The following SNTG1 variants were observed in gnomAD, a reference collection of about 807,000 sequenced individuals.
The protein encoded by SNTG1 is syntrophin gamma 1.
SNTG1 carries 39 observed loss-of-function variants against 74.7 expected under a neutral mutation model. The observed-to-expected ratio is 0.52, with a 90% confidence interval of 0.40 to 0.68. The LOEUF is 0.68. SNTG1 is among the 30% of genes least tolerant of loss of function. The pLI is 0.00. For missense variants in SNTG1, 685 were observed against 609.5 expected (o/e 1.12, Z -1.30); for synonymous variants, 254 against 217.1 (o/e 1.17, Z -1.49).
At chr8:50,099,556 G>A (rs1301184653) in intron 1 of SNTG1, among the ~76,000 whole-genome samples, 1 of 152,104 alleles carries the variant, frequency 6.6e-6, no homozygotes, top group African/African-American at 2.4e-5. Context: ...GCAGCTTCTT[G>A]AGGAAACTTC....
chr8:50,061,868 C>T (rs895430648), intron 1 of SNTG1, among the ~76,000 whole-genome samples: 4 of 151,988 alleles, frequency 2.6e-5, no homozygotes, highest in East Asian at 1.9e-4. Context: ...ATTTATTTCA[C>T]GGCTGTGGAT....
chr8:50,722,249 A>T (rs2095489567), intron 17 of SNTG1, among the ~76,000 whole-genome samples: 1 of 151,046 alleles, frequency 6.6e-6, no homozygotes, highest in Non-Finnish European at 1.5e-5. Flanking sequence ...ATCTCAGCTC[A>T]CTGCAACATC....
At chr8:50,575,542 C>T (rs2094572164) in intron 12 of SNTG1, 1 of 152,268 alleles carries the variant, frequency 6.6e-6, no homozygotes, top group African/African-American at 2.4e-5. Flanking sequence ...GCCCAAGGCC[C>T]TTACTTCTCT....
At chr8:50,051,223 T>C (rs1448860793) in intron 1 of SNTG1, among the ~76,000 whole-genome samples, 1 of 135,768 alleles carries the variant, frequency 7.4e-6, no homozygotes, top group East Asian at 2.2e-4. Flanking sequence ...GACATTATCT[T>C]TAGATAGAAA....
At chr8:50,778,345 C>T (rs1231326016) in intron 18 of SNTG1, among the ~76,000 whole-genome samples, 1 of 152,130 alleles carries the variant, frequency 6.6e-6, no homozygotes, top group Non-Finnish European at 1.5e-5. Context: ...CCTATTCCTC[C>T]ACATCCTCTC....
At chr8:50,676,458 T>A (rs1003102430) in intron 15 of SNTG1, among the ~76,000 whole-genome samples, 45 of 151,982 alleles carry the variant, frequency 3.0e-4, no homozygotes, top group African/African-American at 8.7e-4. Context: ...TCGTGCTGTG[T>A]TACGCAGCAC....
chr8:50,637,202 TA>T (rs1173997589), intron 13 of SNTG1, among the ~76,000 whole-genome samples: 2 of 152,176 alleles, frequency 1.3e-5, no homozygotes, highest in Non-Finnish European at 2.9e-5. Context: ...AAATTATCTC[TA>T]AATCTTAGTA....
At chr8:50,266,684 G>GTGTGTGTGTGTGTATA (rs371676511) in intron 2 of SNTG1, among the ~76,000 whole-genome samples, 1 of 136,812 alleles carries the variant, frequency 7.3e-6, no homozygotes, top group African/African-American at 2.9e-5. Context: ...GTGTGTGTGT[G>GTGTGTGTGTGTGTATA]TATATATATA....
rs760070429 is a variant in SNTG1 at position 50,192,749 on chromosome 8, C to A, written c.-28+20114C>A. ...TAAGCCAATGTCTAGAAGGGTTTTT[C>A]CAATGTTAATTTCTACAATTTTTAT... On this transcript the variant is annotated intron_variant, in intron 2 of 18. Coordinates refer to ENST00000642720, the MANE Select transcript of SNTG1 (RefSeq NM_018967.5). Among the ~76,000 whole-genome samples, 2 of 151,632 alleles carry A rather than the reference C, an allele frequency of 1.3e-5. 1 individual carries two copies.
intron 2 of SNTG1, among the ~76,000 whole-genome samples, chr8:50,215,002 T>G (rs1451835164): frequency 6.6e-6 from 1 of 152,170 alleles, no homozygotes; most frequent in African/African-American, 2.4e-5. Context: ...CAAAGAAATC[T>G]GTTTTCCTCT....
intron 1 of SNTG1, among the ~76,000 whole-genome samples, chr8:49,919,369 T>C (rs1264671241): frequency 6.6e-6 from 1 of 152,062 alleles, no homozygotes; most frequent in Non-Finnish European, 1.5e-5. Flanking sequence ...AGAACACAAA[T>C]GACTAGCATA....
intron 1 of SNTG1, among the ~76,000 whole-genome samples, chr8:49,998,241 C>A (rs1814418402): frequency 3.3e-5 from 5 of 152,126 alleles, no homozygotes; most frequent in Admixed American, 3.3e-4. Flanking sequence ...ACTTGCAGGA[C>A]TTGCCGTGGC....
intron 1 of SNTG1, among the ~76,000 whole-genome samples, chr8:50,081,190 T>C (rs1228101564): frequency 6.6e-6 from 1 of 152,312 alleles, no homozygotes; most frequent in East Asian, 1.9e-4. Flanking sequence ...TCCAAAAATA[T>C]TTATATTTTG....
chr8:50,449,747 G>T (rs1294461401), intron 6 of SNTG1, 22 bp downstream of exon 6: 1 of 1,536,968 alleles, frequency 6.5e-7, no homozygotes, highest in Non-Finnish European at 8.8e-7. Context: ...AGAGAATTGT[G>T]TACCAGCCAT....
intron 1 of SNTG1, among the ~76,000 whole-genome samples, chr8:50,117,380 C>T (rs2080859444): frequency 6.6e-6 from 1 of 152,102 alleles, no homozygotes; most frequent in Non-Finnish European, 1.5e-5. Flanking sequence ...TGATTCTTCA[C>T]ATTCTGGAAA....
chr8:50,125,138 C>A (rs912627642), intron 1 of SNTG1, among the ~76,000 whole-genome samples: 1 of 141,858 alleles, frequency 7.0e-6, no homozygotes, highest in Non-Finnish European at 1.6e-5. Flanking sequence ...GAATACAAAG[C>A]AATTACAGAG....
rs1481438424 is a variant in SNTG1 at position 50,656,917 on chromosome 8, C to T, written c.858C>T (p.Tyr286=). The stretch of plus-strand genomic sequence containing the variant: ...ATTCCATTTTCTTGCAGATTGTCTA[C>T]ATGGGCTGGTGTGAAGCCCGGGAGC... The part of the protein sequence containing the change: ...RNFPVNQQIV[Y]MGWCEAREQD... Residue 286 remains tyrosine (Y), a synonymous_variant, in exon 14 of 19, where the codon TAC becomes TAT. Transcript: ENST00000642720. The T allele has an allele frequency of 6.2e-7, 1 of 1,603,810 alleles. No individual in the cohort carries two copies. Among genetic ancestry groups the T allele is most frequent in the African/African-American group, 1.3e-5 (1 of 74,464 alleles).
At chr8:50,141,504 G>A (rs746865339) in intron 1 of SNTG1, among the ~76,000 whole-genome samples, 2 of 152,126 alleles carry the variant, frequency 1.3e-5, no homozygotes, top group Non-Finnish European at 2.9e-5. Flanking sequence ...CTTGCAATGA[G>A]AGATATGAAT....
At chr8:50,349,637 A>G (rs759563749) in intron 2 of SNTG1, among the ~76,000 whole-genome samples, 2 of 152,152 alleles carry the variant, frequency 1.3e-5, no homozygotes, top group Non-Finnish European at 2.9e-5. Context: ...CTAGAGGTCC[A>G]GTGAGATTCA....
Sources: allele counts gnomAD v4.1 joint callset (sites outside exome capture counted in the v4.1 genomes callset), GRCh38; gene constraint gnomAD v4.1.1; transcripts MANE v1.5; gene names NCBI Gene and HGNC (gene_info 2026-07-23, HGNC 2026-07-21).